Variants in PTPN12 observed in about 807,000 individuals in gnomAD.
PTPN12 encodes protein tyrosine phosphatase non-receptor type 12.
In PTPN12, 29 loss-of-function variants were observed where a neutral mutation model predicts 97.6. The observed-to-expected ratio is 0.30, with a 90% CI of 0.22 to 0.41. The LOEUF is 0.41. PTPN12 is among the 10% of genes least tolerant of loss of function. PTPN12 has a pLI of 1.00. For missense variants in PTPN12, 819 were observed against 926.0 expected, an observed-to-expected ratio of 0.88 and a Z score of 1.50; for synonymous variants, 327 against 300.4, an observed-to-expected ratio of 1.09 and a Z score of -0.91.
At chr7:77,568,678 T>C (rs932964543) in intron 1 of PTPN12, among the ~76,000 whole-genome samples, 1 of 152,170 alleles carries the variant, frequency 6.6e-6, no homozygotes, top group African/African-American at 2.4e-5. Context: ...AAGAAAAAGC[T>C]TAGAGTGATT....
At chr7:77,589,040 A>AT (rs1787782819) in intron 5 of PTPN12, among the ~76,000 whole-genome samples, 1 of 151,738 alleles carries the variant, frequency 6.6e-6, no homozygotes, top group African/African-American at 2.4e-5. Context: ...GGCTCAGCTC[A>AT]TTTTTGTATT....
intron 3 of PTPN12, among the ~76,000 whole-genome samples, chr7:77,582,235 T>C (rs1787545736): frequency 1.3e-5 from 2 of 151,324 alleles, no homozygotes; most frequent in Admixed American, 1.3e-4. Context: ...TGACCTGTGA[T>C]CCACCCGCCT....
chr7:77,552,850 C>G (rs919840043), intron 1 of PTPN12, among the ~76,000 whole-genome samples: 2 of 152,186 alleles, frequency 1.3e-5, no homozygotes, highest in African/African-American at 4.8e-5. Context: ...TCAATCTTAG[C>G]TTCTTTATCG....
intron 5 of PTPN12, 98 bp from the exon 6 acceptor site, chr7:77,592,087 G>C (rs774317865): frequency 1.5e-5 from 15 of 1,009,270 alleles, no homozygotes; most frequent in Non-Finnish European, 2.2e-5. Flanking sequence ...CTGTTTTGGG[G>C]AAGTAGAAGT....
chr7:77,540,488 C>T (rs1372383480), intron 1 of PTPN12, among the ~76,000 whole-genome samples: 1 of 151,696 alleles, frequency 6.6e-6, no homozygotes, highest in Non-Finnish European at 1.5e-5. Flanking sequence ...TTGTGATCTG[C>T]CCGCCTCAGC....
chr7:77,627,487 C>G lies in PTPN12; in HGVS notation c.1808C>G (p.Ser603Cys), dbSNP rs1562761477. The change falls in exon 13 of 18, where the codon TCT becomes TGT. Residue 603 changes from serine to cysteine, a missense_variant. Physicochemically the swap from Ser to Cys is moderately radical, Grantham distance 112. This residue lies in a region of PTPN12 where 607 missense variants were observed against 577.3 expected (regional missense o/e 1.05). Coordinates refer to ENST00000248594, the MANE Select transcript of PTPN12 (RefSeq NM_002835.4). ...CTCAGTTTTACTAATCCACTTCACT[C>G]TGATGACTCAGACTCAGATGAAAGA... ...TPLSFTNPLH[S>C]DDSDSDERNS... The G allele has an allele frequency of 6.2e-7, 1 of 1,613,780 alleles. No homozygotes were observed. Among genetic ancestry groups the G allele is most frequent in the African/African-American group, 1.3e-5 (1 of 75,040 alleles).
intron 1 of PTPN12, among the ~76,000 whole-genome samples, chr7:77,548,136 T>C (rs1268015781): frequency 1.3e-5 from 2 of 152,234 alleles, no homozygotes; most frequent in African/African-American, 2.4e-5. Flanking sequence ...TCTCTCTGTT[T>C]ACACAGTTCT....
At chr7:77,615,603 T>G (rs932955421) in intron 11 of PTPN12, among the ~76,000 whole-genome samples, 6 of 152,176 alleles carry the variant, frequency 3.9e-5, no homozygotes, top group African/African-American at 1.4e-4. Flanking sequence ...TTTTTTTAAT[T>G]ACCTGGGTAT....
At chr7:77,575,341 G>GCACA (rs34088331) in intron 2 of PTPN12, among the ~76,000 whole-genome samples, 2 of 140,088 alleles carry the variant, frequency 1.4e-5, no homozygotes, top group Non-Finnish European at 3.2e-5. Flanking sequence ...ACGCACGCAC[G>GCACA]CACACACACA....
intron 11 of PTPN12, among the ~76,000 whole-genome samples, chr7:77,612,626 C>T (rs565344570): frequency 1.9e-4 from 29 of 151,668 alleles, no homozygotes; most frequent in Non-Finnish European, 3.7e-4. Context: ...TTAATAGAGA[C>T]GGAGTTTGTC....
intron 2 of PTPN12, among the ~76,000 whole-genome samples, chr7:77,576,050 T>C (rs963217900): frequency 6.6e-5 from 10 of 152,266 alleles, no homozygotes; most frequent in African/African-American, 2.4e-4. Context: ...GATACAGGGT[T>C]TCACTATGTT....
In PTPN12 at chr7:77,627,657, C is replaced by G. The variant is rs1228782543; in HGVS notation, c.1978C>G (p.His660Asp). 6.3e-7 allele frequency: 1 copy of G among 1,576,342 alleles called. No homozygotes were observed. Among genetic ancestry groups the G allele is most frequent in the Non-Finnish European group, 8.6e-7 (1 of 1,163,086 alleles). ...TAGACATAATATAGCAGGAACAACA[C>G]ATTCAGGTGCTGAAAAAGGTAATAA... ...IARHNIAGTT[H>D]SGAEKDVDVS... The change falls in exon 13 of 18, where the codon CAT (histidine) becomes GAT (aspartate). Residue 660 changes from histidine (H) to aspartate (D), a missense_variant. By Grantham distance (81) the His-to-Asp change is moderately conservative (BLOSUM62 -1). Transcript: ENST00000248594.
chr7:77,537,918 G>C, intron 1 of PTPN12: 1 of 609,540 alleles, frequency 1.6e-6, no homozygotes, highest in Non-Finnish European at 2.2e-6. Flanking sequence ...AGCCTGCACC[G>C]TGGCTCGCGA....
chr7:77,607,166 T>C (rs1338474447), intron 8 of PTPN12, 69 bp from the exon 9 acceptor site: 2 of 1,220,524 alleles, frequency 1.6e-6, no homozygotes, highest in African/African-American at 1.5e-5. Flanking sequence ...TATTAACATG[T>C]CTATCCACAT....
At chr7:77,628,588 C>CAA (rs1191000315) in intron 13 of PTPN12, among the ~76,000 whole-genome samples, 1 of 148,076 alleles carries the variant, frequency 6.8e-6, no homozygotes, top group Non-Finnish European at 1.5e-5. Flanking sequence ...GACTTGCACT[C>CAA]AAAAGATTTT....
intron 1 of PTPN12, among the ~76,000 whole-genome samples, chr7:77,550,866 CTG>C (rs1807447948): frequency 6.6e-6 from 1 of 152,186 alleles, no homozygotes; most frequent in Non-Finnish European, 1.5e-5. Flanking sequence ...TCCCCAGAAA[CTG>C]TTGCCATGAG....
chr7:77,571,993 C>T (rs529765464), intron 2 of PTPN12, among the ~76,000 whole-genome samples: 345 of 150,282 alleles, frequency 2.3e-3, no homozygotes, highest in Middle Eastern at 0.01. Flanking sequence ...GTTTTTCTTT[C>T]TTCATAAGTA....
At chr7:77,631,861 G>GGT (rs1475719837) in intron 13 of PTPN12, among the ~76,000 whole-genome samples, 1 of 152,156 alleles carries the variant, frequency 6.6e-6, no homozygotes, top group African/African-American at 2.4e-5. Flanking sequence ...ACATGACTGA[G>GGT]GTACACAGTT....
At chr7:77,621,106 A>G (rs1318322010) in intron 12 of PTPN12, among the ~76,000 whole-genome samples, 1 of 151,276 alleles carries the variant, frequency 6.6e-6, no homozygotes, top group Non-Finnish European at 1.5e-5. Context: ...ATTTTTATTT[A>G]TTTATTTATT....
Sources: allele counts gnomAD v4.1 joint callset (sites outside exome capture counted in the v4.1 genomes callset), GRCh38; gene constraint gnomAD v4.1.1; regional missense constraint gnomAD v4.1.1; transcripts MANE v1.5; gene names NCBI Gene and HGNC (gene_info 2026-07-23, HGNC 2026-07-21).